RPS23: variants seen among roughly 807,000 people sequenced by gnomAD.
The protein encoded by RPS23 is ribosomal protein S23.
For synonymous variants in RPS23, 66 were observed against 60.4 expected, an observed-to-expected ratio of 1.09 and a Z score of -0.43; for missense variants, 73 against 174.5, an observed-to-expected ratio of 0.42 and a Z score of 3.28.
In RPS23 at chr5:82,275,809, A is replaced by G. The variant is rs968662186; in HGVS notation, c.*300T>C. The G allele has an allele frequency of 3.2e-5, 10 of 312,174 alleles. No individual in the cohort carries two copies. The highest frequency in any genetic ancestry group is 2.8e-4 in the South Asian group (3 of 10,906). 19.3% of individuals were successfully genotyped at this position (312,174 alleles called of 1,614,324 possible). On this transcript the variant is annotated 3_prime_UTR_variant, in exon 4 of 4. Coordinates refer to ENST00000296674, the MANE Select transcript of RPS23 (RefSeq NM_001025.5). ...TTTTTGAAGTTCCCTTAAAGTTCTT[A>G]AAGTAATACTACAATACTGCACATT...
chr5:82,277,887 C>A (rs2112066911), intron 1 of RPS23, 35 bp from the exon 2 acceptor site: 1 of 1,591,930 alleles, frequency 6.3e-7, no homozygotes, highest in East Asian at 2.2e-5. Context: ...TCCGTAAAAA[C>A]ACGCCATCTA....
Position 82,275,850 on chromosome 5 carries a change from C to T in RPS23, c.*259G>A, listed in dbSNP as rs226202. The T allele has an allele frequency of 0.71, 309,927 of 436,024 alleles. 111,536 individuals carry two copies. The highest frequency in any genetic ancestry group is 0.94 in the East Asian group (24,584 of 26,080). The allele number at this position is 436,024 out of a possible 1,614,324, so 27.0% of individuals were successfully genotyped here. Reference sequence around the variant, plus strand: ...ACTGCACATTTATTCCAGATCTATCCCATTTTCTTATTCCACAGGATGAGG... The same window carrying T: ...ACTGCACATTTATTCCAGATCTATCTCATTTTCTTATTCCACAGGATGAGG... On this transcript the variant is annotated 3_prime_UTR_variant, in exon 4 of 4. Coordinates refer to ENST00000296674, the MANE Select transcript of RPS23 (RefSeq NM_001025.5).
In RPS23 at chr5:82,277,842, A is replaced by C; in HGVS notation, c.15T>G (p.Arg5=). 3 of 1,611,486 alleles carry C rather than the reference A, an allele frequency of 1.9e-6. No individual in the cohort carries two copies. The highest frequency in any genetic ancestry group is 1.7e-4 in the Middle Eastern group (1 of 6,052). Residue 5 remains arginine, a synonymous_variant, in exon 2 of 4, where the codon CGT becomes CGG. Transcript: ENST00000296674. ...GGAGCTTCCTAGCAGTACGAAGTCC[A>C]CGACACTTGCCTAAAAATTAAATAT... The part of the protein sequence containing the change: MGKC[R]GLRTARKLRS...
rs753987726 is a variant in RPS23 at position 82,278,354 on chromosome 5, G to C, written c.-31C>G. 3.1e-6 allele frequency: 5 copies of C among 1,605,938 alleles called. No homozygotes were observed. Among genetic ancestry groups the C allele is most frequent in the East Asian group, 2.3e-5 (1 of 44,340 alleles). The stretch of plus-strand genomic sequence containing the variant: ...CGGCGCCACGGGCCTGAGCGAAAGA[G>C]AGAAGCACCGCAGGAAGGAGCCACA... On this transcript the variant is annotated 5_prime_UTR_variant, in exon 1 of 4. Coordinates refer to ENST00000296674, the MANE Select transcript of RPS23 (RefSeq NM_001025.5).
At position 82,275,851 on chromosome 5, in the gene RPS23, C is replaced by T. The variant is rs1747762166; in HGVS notation, c.*258G>A. 4.5e-6 allele frequency: 2 copies of T among 447,904 alleles called. No homozygotes were observed. Among genetic ancestry groups the T allele is most frequent in the Admixed American group, 7.9e-5 (2 of 25,388 alleles). 27.7% of individuals were successfully genotyped at this position (447,904 alleles called of 1,614,324 possible). On this transcript the variant is annotated 3_prime_UTR_variant, in exon 4 of 4. Coordinates refer to ENST00000296674, the MANE Select transcript of RPS23 (RefSeq NM_001025.5). The stretch of plus-strand genomic sequence containing the variant: ...CTGCACATTTATTCCAGATCTATCC[C>T]ATTTTCTTATTCCACAGGATGAGGG...
At chr5:82,276,644 A>G in intron 2 of RPS23, 126 bp from the exon 3 acceptor site, 1 of 1,197,894 alleles carries the variant, frequency 8.3e-7, no homozygotes, top group Non-Finnish European at 1.2e-6. Flanking sequence ...GCTGAGCTGA[A>G]GTCCTGTGAT....
intron 2 of RPS23, 33 bp downstream of exon 2, chr5:82,277,660 T>C (rs1747925824): frequency 6.2e-7 from 1 of 1,607,558 alleles, no homozygotes; most frequent in Middle Eastern, 1.9e-4. Flanking sequence ...ATTCCTATAA[T>C]AAACTAAAAC....
In RPS23 at chr5:82,275,905, ACT is replaced by A. The variant is rs1747763073; in HGVS notation, c.*202_*203del. 1.8e-6 allele frequency: 1 copy of A among 563,996 alleles called. No homozygotes were observed. Among genetic ancestry groups the A allele is most frequent in the African/African-American group, 1.9e-5 (1 of 53,054 alleles). 34.9% of individuals were successfully genotyped at this position (563,996 alleles called of 1,614,324 possible). Reference sequence around the variant, plus strand: ...CTGTGCCAGGTTACAAATGTTATTAACTCTAGAGAATCCTGAAACAACCCTGT... The same window carrying A: ...CTGTGCCAGGTTACAAATGTTATTAACTAGAGAATCCTGAAACAACCCTGT... On this transcript the variant is annotated 3_prime_UTR_variant, in exon 4 of 4. Transcript: ENST00000296674.
chr5:82,277,397 G>A (rs1158548641), intron 2 of RPS23: 3 of 407,976 alleles, frequency 7.4e-6, no homozygotes, highest in Admixed American at 8.2e-5. Flanking sequence ...GCTGACACGT[G>A]CCATTTACTT....
At chr5:82,277,503 T>G in intron 2 of RPS23, 190 bp downstream of exon 2, 1 of 632,810 alleles carries the variant, frequency 1.6e-6, no homozygotes. Flanking sequence ...ATTAAAACCT[T>G]AACTACCTAA....
At chr5:82,278,158 T>C in intron 1 of RPS23, 162 bp downstream of exon 1, 1 of 955,444 alleles carries the variant, frequency 1.0e-6, no homozygotes. Flanking sequence ...CATGGGCCCC[T>C]TCCGCGCCGG....
chr5:82,278,103 C>T, intron 1 of RPS23: 1 of 681,024 alleles, frequency 1.5e-6, no homozygotes, highest in Middle Eastern at 3.9e-4. Context: ...AAGCGCTGGC[C>T]TCCCTGCGTC....
rs1287376636 is a variant in RPS23, at chr5:82,273,335, C to CT, written c.*2773dup. The CT allele has an allele frequency of 2.0e-5, 3 of 149,422 alleles. 1 individual carries two copies. Among genetic ancestry groups the CT allele is most frequent in the Non-Finnish European group, 4.4e-5 (3 of 68,040 alleles). The allele number at this position is 149,422 out of a possible 1,614,324, so 9.3% of individuals were successfully genotyped here. On this transcript the variant is annotated 3_prime_UTR_variant, in exon 4 of 4. Coordinates refer to ENST00000296674, the MANE Select transcript of RPS23 (RefSeq NM_001025.5). The stretch of plus-strand genomic sequence containing the variant: ...CCTCTCAGAGTTGTAGAAGGAAGGG[C>CT]TTTATTCAGCTGGGAGCATCGGCAA...
rs761403062 is a variant in RPS23, at chr5:82,276,394, T to C, written c.285+4A>G. On this transcript the variant is annotated splice_donor_region_variant and intron_variant, in intron 3 of 3. Transcript: ENST00000296674. Reference sequence around the variant, plus strand: ...AGAAGGTACGATAGAGTTGAAATACTCACCTCAATAAAGTTCAAGCAACCG... The same window carrying C: ...AGAAGGTACGATAGAGTTGAAATACCCACCTCAATAAAGTTCAAGCAACCG... 1 of 1,613,664 alleles carries C rather than the reference T, an allele frequency of 6.2e-7. No individual in the cohort carries two copies. The highest frequency in any genetic ancestry group is 1.1e-5 in the South Asian group (1 of 91,072).
chr5:82,276,751 G>A (rs1747795802), intron 2 of RPS23: 1 of 555,448 alleles, frequency 1.8e-6, no homozygotes, highest in Admixed American at 3.1e-5. Flanking sequence ...GTGGCAGCGT[G>A]GGCCTGTAGT....
Position 82,277,804 on chromosome 5 carries a change from C to T in RPS23, c.53G>A (p.Arg18Gln). 4.3e-6 allele frequency: 7 copies of T among 1,613,950 alleles called. No homozygotes were observed. The highest frequency in any genetic ancestry group is 5.9e-6 in the Non-Finnish European group (7 of 1,179,826). The change falls in exon 2 of 4, where the codon CGA (arginine) becomes CAA (glutamine). Residue 18 changes from arginine (R) to glutamine (Q), a missense_variant. Transcript: ENST00000296674. The stretch of plus-strand genomic sequence containing the variant: ...CTGTTTATCATGCCACTTCTGGTCT[C>T]GTCGGTGACTACGGAGCTTCCTAGC... ...RTARKLRSHRRDQKWHDKQYK... is the reference protein window; with the variant it reads ...RTARKLRSHRQDQKWHDKQYK...
At position 82,274,481 on chromosome 5, in the gene RPS23, G is replaced by A. The variant is rs1015227880; in HGVS notation, c.*1628C>T. On this transcript the variant is annotated 3_prime_UTR_variant, in exon 4 of 4. Transcript: ENST00000296674. ...TGCAAGCCATTGTTGAAGGTGTCTT[G>A]ACGTATCAGAGAAGGCAGGTAACCA... 2 of 152,472 alleles carry A rather than the reference G, an allele frequency of 1.3e-5. No individual in the cohort carries two copies. Among genetic ancestry groups the A allele is most frequent in the South Asian group, 2.1e-4 (1 of 4,834 alleles). The allele number at this position is 152,472 out of a possible 1,614,324, so 9.4% of individuals were successfully genotyped here.
chr5:82,273,784 T>C lies in RPS23; in HGVS notation c.*2325A>G, dbSNP rs1747710790. On this transcript the variant is annotated 3_prime_UTR_variant, in exon 4 of 4. Transcript: ENST00000296674. ...GCTGCCCAGGATGATCTTGAACTCC[T>C]GGCCTCAAGCTATTAATTTCTTCCC... 1 of 152,248 alleles carries C rather than the reference T, an allele frequency of 6.6e-6. No homozygotes were observed. Among genetic ancestry groups the C allele is most frequent in the Non-Finnish European group, 1.5e-5 (1 of 68,048 alleles). The allele number at this position is 152,248 out of a possible 1,614,324, so 9.4% of individuals were successfully genotyped here.
rs1747938357 is a variant in RPS23, at chr5:82,277,773, C to T, written c.84G>A (p.Lys28=). The T allele has an allele frequency of 6.2e-7, 1 of 1,613,852 alleles. No homozygotes were observed. The highest frequency in any genetic ancestry group is 1.7e-5 in the Admixed American group (1 of 60,004). ...RDQKWHDKQY[K]KAHLGTALKA... is the part of the protein sequence containing the mutation. Reference sequence around the variant, plus strand: ...TTAGGGCTGTGCCCAAATGAGCTTTCTTATACTGTTTATCATGCCACTTCT... The same window carrying T: ...TTAGGGCTGTGCCCAAATGAGCTTTTTTATACTGTTTATCATGCCACTTCT... The change falls in exon 2 of 4, where the codon AAG becomes AAA. Residue 28 remains lysine (K), a synonymous_variant. Coordinates refer to ENST00000296674, the MANE Select transcript of RPS23 (RefSeq NM_001025.5).
Sources: allele counts gnomAD v4.1 joint callset, GRCh38; gene constraint gnomAD v4.1.1; transcripts MANE v1.5; gene names NCBI Gene and HGNC (gene_info 2026-07-23, HGNC 2026-07-21).